Variants in CHD2 observed in about 807,000 individuals in gnomAD.
CHD2 encodes the protein chromodomain helicase DNA binding protein 2.
In CHD2, 28 loss-of-function variants were observed where a neutral mutation model predicts 243.9. That is an observed-to-expected ratio of 0.11 (90% CI 0.09 to 0.16). The LOEUF (loss-of-function observed/expected upper bound fraction) is 0.16, where lower values mean the gene tolerates loss of function less well. Among genes scored for constraint, CHD2 ranks in the 10% least tolerant of loss-of-function variants. The pLI, the probability that CHD2 is intolerant of heterozygous loss-of-function variation, is 1.00. For missense variants in CHD2, 1,386 were observed against 2,209.8 expected (o/e 0.63, Z 7.47); for synonymous variants, 775 against 779.0 (o/e 0.99, Z 0.09).
In CHD2 at chr15:93,024,715, C is replaced by T. The variant is rs374048872; in HGVS notation, c.*10C>T. Reference sequence around the variant, plus strand: ...TGTTCGGAAAACATAAAGGACAGCTCGTAAAGGAGAGAGTAAGAGTCACCA... The same window carrying T: ...TGTTCGGAAAACATAAAGGACAGCTTGTAAAGGAGAGAGTAAGAGTCACCA... On this transcript the variant is annotated 3_prime_UTR_variant, in exon 39 of 39. Coordinates refer to ENST00000394196, the MANE Select transcript of CHD2 (RefSeq NM_001271.4). The T allele has an allele frequency of 9.7e-5, 155 of 1,597,322 alleles. No homozygotes were observed. Among genetic ancestry groups the T allele is most frequent in the Non-Finnish European group, 1.2e-4 (139 of 1,170,288 alleles).
In CHD2 at chr15:92,980,477, G is replaced by A. The variant is rs118010146; in HGVS notation, c.2877-338G>A. Among the ~76,000 whole-genome samples, 110 of 152,280 alleles carry A rather than the reference G, an allele frequency of 7.2e-4. No individual in the cohort carries two copies. The East Asian group carries it at 0.019, about 27-fold the overall frequency. On this transcript the variant is annotated intron_variant, in intron 22 of 38. Transcript: ENST00000394196. ...CCTAGCTCTTTTATTTTGGACCGGG[G>A]TTGAGAAGGTTGAAAATTCTTGGTG...
intron 16 of CHD2, among the ~76,000 whole-genome samples, chr15:92,966,737 C>T (rs12905312): frequency 0.45 from 67,494 of 151,574 alleles, 16,240 homozygotes; most frequent in East Asian, 0.85. Flanking sequence ...ATGATGAAAC[C>T]CTGTCTCTAC....
Position 92,942,946 on chromosome 15 carries a change from G to A in CHD2, c.930G>A (p.Lys310=), listed in dbSNP as rs1318106648. The change falls in exon 9 of 39, where the codon AAG becomes AAA. Residue 310 remains lysine, a synonymous_variant. Transcript: ENST00000394196. ...KDEGEIQYLI[K]WKGWSYIHST... Reference sequence around the variant, plus strand: ...AAGGTGAAATCCAGTACCTCATCAAGTGGAAGGGTTGGTCTTACATCCACA... The same window carrying A: ...AAGGTGAAATCCAGTACCTCATCAAATGGAAGGGTTGGTCTTACATCCACA... The A allele has an allele frequency of 5.0e-6, 8 of 1,614,136 alleles. No homozygotes were observed. The highest frequency in any genetic ancestry group is 2.2e-5 in the East Asian group (1 of 44,868).
At chr15:92,913,081 C>T (rs1278336524) in intron 2 of CHD2, among the ~76,000 whole-genome samples, 1 of 152,186 alleles carries the variant, frequency 6.6e-6, no homozygotes, top group Non-Finnish European at 1.5e-5. Context: ...GGTGCTTGTT[C>T]AACATATTCC....
chr15:92,902,403 C>G (rs1204773269), intron 2 of CHD2: 1 of 377,528 alleles, frequency 2.6e-6, no homozygotes, highest in Non-Finnish European at 4.7e-6. Context: ...TGCAGTTTAA[C>G]AAGGATGTGA....
At chr15:92,976,137 T>TC (rs1332909525) in intron 20 of CHD2, among the ~76,000 whole-genome samples, 2 of 152,144 alleles carry the variant, frequency 1.3e-5, no homozygotes, top group African/African-American at 2.4e-5. Flanking sequence ...TGTTCTCCAC[T>TC]CTTAGTTTAA....
intron 33 of CHD2, 86 bp downstream of exon 33, chr15:93,002,403 C>A (rs1274471482): frequency 1.3e-6 from 2 of 1,538,400 alleles, no homozygotes; most frequent in African/African-American, 2.9e-5. Context: ...ATTTGAGGGC[C>A]CTGGAATAAT....
intron 38 of CHD2, among the ~76,000 whole-genome samples, chr15:93,022,500 T>C (rs1258154995): frequency 6.6e-6 from 1 of 152,218 alleles, no homozygotes; most frequent in Non-Finnish European, 1.5e-5. Flanking sequence ...GTCTTTGGTG[T>C]GGCTGGTGAG....
chr15:92,979,398 A>C (rs1168472917), intron 22 of CHD2, 115 bp downstream of exon 22: 1 of 1,275,720 alleles, frequency 7.8e-7, no homozygotes, highest in Non-Finnish European at 1.1e-6. Flanking sequence ...GGAAGATGCC[A>C]GGCCAGAACC....
chr15:92,912,690 C>T (rs139376511), intron 2 of CHD2, among the ~76,000 whole-genome samples: 5,039 of 152,050 alleles, frequency 0.033, 115 homozygotes, highest in South Asian at 0.083. Context: ...CCCGCCACCA[C>T]GCCTGGCTAA....
chr15:92,992,744 C>A, intron 27 of CHD2, 115 bp from the exon 28 acceptor site: 2 of 1,312,274 alleles, frequency 1.5e-6, no homozygotes, highest in East Asian at 4.7e-5. Context: ...ACTAAAGGAA[C>A]GCAAAGAAAA....
intron 31 of CHD2, 77 bp from the exon 32 acceptor site, chr15:93,000,435 A>G (rs2054240123): frequency 1.4e-6 from 2 of 1,392,014 alleles, no homozygotes; most frequent in South Asian, 2.8e-5. Flanking sequence ...ACTGCTTTAA[A>G]GAGTCATCAT....
intron 34 of CHD2, among the ~76,000 whole-genome samples, chr15:93,008,736 G>C (rs926518303): frequency 6.6e-6 from 1 of 152,124 alleles, no homozygotes; most frequent in Non-Finnish European, 1.5e-5. Flanking sequence ...CCTTTCTCTT[G>C]CTTTCTTTCA....
chr15:93,024,968 G>C lies in CHD2; in HGVS notation c.*263G>C. 1 of 443,162 alleles carries C rather than the reference G, an allele frequency of 2.3e-6. No individual in the cohort carries two copies. Among genetic ancestry groups the C allele is most frequent in the Non-Finnish European group, 4.0e-6 (1 of 248,646 alleles). 27.5% of individuals were successfully genotyped at this position (443,162 alleles called of 1,614,324 possible). A position where few individuals can be genotyped will look rare whatever the true frequency, so the allele number is the denominator to read the frequency against. ...CCCACTTTGACGGGCACTTGGAGGAGGAGCTGACTGTGTGTGTACCAGCTT... is the reference window on the plus strand; with the variant it reads ...CCCACTTTGACGGGCACTTGGAGGACGAGCTGACTGTGTGTGTACCAGCTT... On this transcript the variant is annotated 3_prime_UTR_variant, in exon 39 of 39. Coordinates refer to ENST00000394196, the MANE Select transcript of CHD2 (RefSeq NM_001271.4).
chr15:92,965,932 C>T (rs2053755868), intron 16 of CHD2, among the ~76,000 whole-genome samples: 1 of 152,104 alleles, frequency 6.6e-6, no homozygotes, highest in Non-Finnish European at 1.5e-5. Flanking sequence ...AATTGTCTCT[C>T]AGGTATTCAG....
chr15:92,952,613 G>A (rs1024354066), intron 13 of CHD2, among the ~76,000 whole-genome samples: 1 of 152,124 alleles, frequency 6.6e-6, no homozygotes, highest in African/African-American at 2.4e-5. Context: ...GACAGGAGGC[G>A]GAGCTCAGGC....
At position 93,012,587 on chromosome 15, in the gene CHD2, G is replaced by A. The variant is rs1213343145; in HGVS notation, c.4692+143G>A. 4 of 562,100 alleles carry A rather than the reference G, an allele frequency of 7.1e-6. No individual in the cohort carries two copies. The East Asian group carries it at 9.4e-5, about 13-fold the overall frequency. 34.8% of individuals were successfully genotyped at this position (562,100 alleles called of 1,614,324 possible). A position where few individuals can be genotyped will look rare whatever the true frequency, so the allele number is the denominator to read the frequency against. On this transcript the variant is annotated intron_variant, in intron 36 of 38. Transcript: ENST00000394196. ...TAATAGTCAAACAATAAGACCAGAT[G>A]GGTGAAATAGCCAATGTATTGGAGC...
intron 35 of CHD2, among the ~76,000 whole-genome samples, chr15:93,010,430 T>C (rs973055473): frequency 9.3e-6 from 1 of 107,240 alleles, no homozygotes; most frequent in African/African-American, 3.1e-5. Context: ...TTTTTTTTTT[T>C]TAAATGAGAC....
rs1398387021 is a variant in CHD2 at position 93,027,066 on chromosome 15, T to TA, written c.*2362dup. On this transcript the variant is annotated 3_prime_UTR_variant, in exon 39 of 39. Coordinates refer to ENST00000394196, the MANE Select transcript of CHD2 (RefSeq NM_001271.4). ...AAGGCAGTATCGGCCAGATCAGTGTTACATTGATTCTAAAATTACAGTGTC... is the reference window on the plus strand; with the variant it reads ...AAGGCAGTATCGGCCAGATCAGTGTTAACATTGATTCTAAAATTACAGTGTC... 9.2e-5 allele frequency: 14 copies of TA among 152,800 alleles called. No homozygotes were observed. Among genetic ancestry groups the TA allele is most frequent in the East Asian group, 5.8e-4 (3 of 5,192 alleles). 9.5% of individuals were successfully genotyped at this position (152,800 alleles called of 1,614,324 possible).
Sources: allele counts gnomAD v4.1 joint callset (sites outside exome capture counted in the v4.1 genomes callset), GRCh38; gene constraint gnomAD v4.1.1; transcripts MANE v1.5; gene names NCBI Gene and HGNC (gene_info 2026-07-23, HGNC 2026-07-21).